Variants in CA1 observed in about 807,000 individuals in gnomAD.
The protein encoded by CA1 is carbonate dehydratase I.
In CA1, 27 loss-of-function variants were observed where a neutral mutation model predicts 28.8. That is an observed-to-expected ratio of 0.94 (90% CI 0.69 to 1.29). CA1 has a LOEUF of 1.29. CA1 is among the 50% of genes most tolerant of loss of function. The pLI is 0.00. For missense variants in CA1, 335 were observed against 310.5 expected, an observed-to-expected ratio of 1.08 and a Z score of -0.59; for synonymous variants, 121 against 108.8, an observed-to-expected ratio of 1.11 and a Z score of -0.70.
In CA1 at chr8:85,341,618, C is replaced by G; in HGVS notation, c.18G>C (p.Trp6Cys). The G allele has an allele frequency of 6.3e-7, 1 of 1,597,930 alleles. No homozygotes were observed. Among genetic ancestry groups the G allele is most frequent in the Non-Finnish European group, 8.6e-7 (1 of 1,165,586 alleles). The stretch of plus-strand genomic sequence containing the variant: ...TCTTACCATTTTTGTCATCATATCC[C>G]CAGTCTGGACTTGCCATTATCTTCT... MASPD[W>C]GYDDKNGPEQ... is the part of the protein sequence containing the mutation. Residue 6 changes from tryptophan to cysteine, a missense_variant, in exon 2 of 8, where the codon TGG (tryptophan) becomes TGC (cysteine). Trp to Cys is a radical substitution (Grantham distance 215). Transcript: ENST00000523022.
chr8:85,362,152 C>T (rs190926567), intron 1 of CA1, among the ~76,000 whole-genome samples: 1 of 152,258 alleles, frequency 6.6e-6, no homozygotes, highest in East Asian at 1.9e-4. Context: ...CTCCTACATT[C>T]CTTGGCTTAT....
At chr8:85,348,274 C>T (rs1809279471) in intron 1 of CA1, among the ~76,000 whole-genome samples, 1 of 151,812 alleles carries the variant, frequency 6.6e-6, no homozygotes, top group Non-Finnish European at 1.5e-5. Context: ...TTTGTGATAC[C>T]CTTTTAATTA....
chr8:85,341,489 G>A, intron 2 of CA1, 110 bp downstream of exon 2: 1 of 760,704 alleles, frequency 1.3e-6, no homozygotes, highest in African/African-American at 1.7e-5. Flanking sequence ...AAAGCAGACA[G>A]TTCAACAATT....
At chr8:85,334,569 T>C (rs536393824) in intron 4 of CA1, among the ~76,000 whole-genome samples, 2 of 152,072 alleles carry the variant, frequency 1.3e-5, no homozygotes, top group Non-Finnish European at 2.9e-5. Context: ...ATCTCTCTTC[T>C]TCCTATTCTC....
At chr8:85,376,319 G>T (rs1477584655) in intron 1 of CA1, among the ~76,000 whole-genome samples, 1 of 150,460 alleles carries the variant, frequency 6.6e-6, no homozygotes, top group Non-Finnish European at 1.5e-5. Flanking sequence ...GACAGAGTGA[G>T]ATTCTGTCTC....
intron 1 of CA1, among the ~76,000 whole-genome samples, chr8:85,360,504 C>A (rs1387574689): frequency 6.6e-6 from 1 of 152,054 alleles, no homozygotes; most frequent in Non-Finnish European, 1.5e-5. Flanking sequence ...CCAGCCCGGG[C>A]AACATGGCAA....
chr8:85,348,784 C>A (rs907740343), intron 1 of CA1, among the ~76,000 whole-genome samples: 5 of 152,106 alleles, frequency 3.3e-5, no homozygotes, highest in Middle Eastern at 3.4e-3. Flanking sequence ...TATAAAATAC[C>A]TAAAAATATT....
rs192352353 is a variant in CA1 at position 85,339,375 on chromosome 8, T to A, written c.38-926A>T. On this transcript the variant is annotated intron_variant, in intron 2 of 7. Coordinates refer to ENST00000523022, the MANE Select transcript of CA1 (RefSeq NM_001128831.4). ...TGATGTTACTATTATAATAGTGTTG[T>A]GGCACCATAAACCATGTCCAAGTAA... is the stretch of plus-strand genomic sequence containing the variant. Among the ~76,000 whole-genome samples the A allele has an allele frequency of 1.6e-3, 242 of 152,340 alleles. 1 individual carries two copies. Among genetic ancestry groups the A allele is most frequent in the African/African-American group, 5.3e-3 (219 of 41,578 alleles).
chr8:85,353,959 C>CT (rs112342471), intron 1 of CA1, among the ~76,000 whole-genome samples: 15 of 149,166 alleles, frequency 1.0e-4, no homozygotes, highest in Non-Finnish European at 1.8e-4. Context: ...GTAATACATA[C>CT]TTTTTTTTTT....
intron 1 of CA1, among the ~76,000 whole-genome samples, chr8:85,349,208 A>G (rs1395737753): frequency 2.6e-5 from 4 of 152,240 alleles, no homozygotes; most frequent in African/African-American, 9.6e-5. Context: ...TTACTCCTGT[A>G]CTTTTTTTAC....
intron 1 of CA1, among the ~76,000 whole-genome samples, chr8:85,348,295 A>G (rs1389985645): frequency 1.3e-5 from 2 of 152,162 alleles, no homozygotes; most frequent in African/African-American, 4.8e-5. Flanking sequence ...TTAAGTCAGT[A>G]TGCTAAATAC....
intron 1 of CA1, among the ~76,000 whole-genome samples, chr8:85,368,268 A>G (rs376366877): frequency 6.6e-5 from 10 of 152,102 alleles, no homozygotes; most frequent in East Asian, 3.9e-4. Flanking sequence ...CCCAGGTTCA[A>G]GTGATTCTCT....
At chr8:85,366,495 CAAAATTCAAAAGACTG>C (rs1419191920) in intron 1 of CA1, among the ~76,000 whole-genome samples, 26 of 152,078 alleles carry the variant, frequency 1.7e-4, no homozygotes, top group African/African-American at 5.6e-4. Flanking sequence ...GAATGGGAGG[CAAAATTCAAAAGACTG>C]ATAATATTCC....
At chr8:85,334,096 G>A (rs935237889) in intron 4 of CA1, among the ~76,000 whole-genome samples, 2 of 152,074 alleles carry the variant, frequency 1.3e-5, no homozygotes, top group Non-Finnish European at 1.5e-5. Flanking sequence ...CCAGCTTAAC[G>A]TCTCTGCAAA....
rs767317515 is a variant in CA1 at position 85,329,816 on chromosome 8, T to G, written c.542A>C (p.Asp181Ala). ...KGKRAPFTNF[D>A]PSTLLPSSLD... is the part of the protein sequence containing the mutation. ...GGATGAAGGAAGGAGAGTAGAGGGG[T>G]CAAAATTTGTGAATGGGGCTCGTTT... Residue 181 changes from aspartate (D) to alanine (A), a missense_variant, in exon 7 of 8, where the codon GAC becomes GCC. Transcript: ENST00000523022. 6.3e-7 allele frequency: 1 copy of G among 1,597,640 alleles called. No homozygotes were observed. Among genetic ancestry groups the G allele is most frequent in the Non-Finnish European group, 8.5e-7 (1 of 1,170,456 alleles).
intron 1 of CA1, among the ~76,000 whole-genome samples, chr8:85,365,485 A>G (rs1288529092): frequency 6.6e-6 from 1 of 152,236 alleles, no homozygotes; most frequent in Non-Finnish European, 1.5e-5. Flanking sequence ...CTCACATTGC[A>G]GGCTGGGGAA....
At chr8:85,330,105 A>G (rs931401164) in intron 6 of CA1, among the ~76,000 whole-genome samples, 1 of 152,168 alleles carries the variant, frequency 6.6e-6, no homozygotes, top group African/African-American at 2.4e-5. Flanking sequence ...GTTGCAGATA[A>G]GCAAAGATTC....
intron 1 of CA1, among the ~76,000 whole-genome samples, chr8:85,364,134 C>T (rs1019246649): frequency 3.9e-5 from 6 of 152,140 alleles, no homozygotes; most frequent in Non-Finnish European, 8.8e-5. Flanking sequence ...AGCCACTGCA[C>T]CTGGCTATTA....
At chr8:85,372,030 G>C (rs1477010633) in intron 1 of CA1, among the ~76,000 whole-genome samples, 1 of 152,118 alleles carries the variant, frequency 6.6e-6, no homozygotes, top group Non-Finnish European at 1.5e-5. Context: ...TAATGAAAGG[G>C]ATTGCCACTT....
Sources: allele counts gnomAD v4.1 joint callset (sites outside exome capture counted in the v4.1 genomes callset), GRCh38; gene constraint gnomAD v4.1.1; transcripts MANE v1.5; gene names NCBI Gene and HGNC (gene_info 2026-07-23, HGNC 2026-07-21).